Variants in PRKN observed in about 807,000 individuals in gnomAD.
The protein encoded by PRKN is parkin RBR E3 ubiquitin protein ligase.
In PRKN, 56 loss-of-function variants were observed where a neutral mutation model predicts 59.5. That is an observed-to-expected ratio of 0.94 (90% CI 0.76 to 1.18). The LOEUF is 1.18. Among genes scored for constraint, PRKN ranks in the 50% most tolerant of loss-of-function variants. The probability of loss-of-function intolerance (pLI) is 0.00; values close to 1 mark genes in which losing one functional copy is unlikely to be tolerated. For missense variants in PRKN, 657 were observed against 596.4 expected, an observed-to-expected ratio of 1.10 and a Z score of -1.06; for synonymous variants, 250 against 222.1, an observed-to-expected ratio of 1.13 and a Z score of -1.12.
intron 6 of PRKN, among the ~76,000 whole-genome samples, chr6:161,802,994 T>G (rs1175645321): frequency 6.6e-6 from 1 of 152,060 alleles, no homozygotes; most frequent in Non-Finnish European, 1.5e-5. Flanking sequence ...TGATCTCCCC[T>G]TTTATACCTG....
At chr6:161,680,762 TATATATATATA>T (rs1327789038) in intron 7 of PRKN, among the ~76,000 whole-genome samples, 242 of 18,200 alleles carry the variant, frequency 0.013, 13 homozygotes, top group Non-Finnish European at 0.016. Flanking sequence ...TATATATATA[TATATATATATA>T]TATTTTTTTT....
intron 4 of PRKN, among the ~76,000 whole-genome samples, chr6:162,165,040 T>C (rs1417018910): frequency 6.7e-6 from 1 of 148,910 alleles, no homozygotes; most frequent in Non-Finnish European, 1.5e-5. Context: ...ATTTGGAATT[T>C]AGGGCTCAGA....
chr6:161,415,099 G>A (rs1344219481), intron 9 of PRKN, among the ~76,000 whole-genome samples: 1 of 152,128 alleles, frequency 6.6e-6, no homozygotes, highest in Non-Finnish European at 1.5e-5. Flanking sequence ...TGCTCCCAAA[G>A]AGACTTGGGG....
chr6:162,166,831 C>T (rs189649778), intron 4 of PRKN, among the ~76,000 whole-genome samples: 1 of 152,246 alleles, frequency 6.6e-6, no homozygotes, highest in Admixed American at 6.5e-5. Flanking sequence ...AGACATTCTC[C>T]ATAGCTCCTC....
intron 1 of PRKN, among the ~76,000 whole-genome samples, chr6:162,502,899 A>G (rs1583682125): frequency 1.3e-5 from 2 of 152,234 alleles, no homozygotes; most frequent in East Asian, 3.9e-4. Context: ...CCAGAACAAT[A>G]TTCTGTGTTA....
Position 161,388,547 on chromosome 6 carries a change from T to C in PRKN, c.1084-1670A>G, listed in dbSNP as rs1393067105. 2.6e-5 allele frequency among the ~76,000 whole-genome samples: 4 copies of C among 151,760 alleles called. No individual in the cohort carries two copies. Among genetic ancestry groups the C allele is most frequent in the Non-Finnish European group, 5.9e-5 (4 of 67,858 alleles). On this transcript the variant is annotated intron_variant, in intron 9 of 11. Transcript: ENST00000366898. This position sits in a 1 kb window ranked among gnomAD's most constrained non-coding sequence, Gnocchi z 4.3. ...GGATGATGGTGGTGGTCTTAGAGCATAGAGGCAAACTGACAGTATCCTCTT... is the reference window on the plus strand; with the variant it reads ...GGATGATGGTGGTGGTCTTAGAGCACAGAGGCAAACTGACAGTATCCTCTT...
At chr6:161,747,730 A>C (rs909181809) in intron 7 of PRKN, among the ~76,000 whole-genome samples, 2 of 152,164 alleles carry the variant, frequency 1.3e-5, no homozygotes, top group South Asian at 2.1e-4. Context: ...TTGTAATATA[A>C]GGTGTTAGCA....
At position 161,530,347 on chromosome 6, in the gene PRKN, C is replaced by T. The variant is rs778420967; in HGVS notation, c.1083+18507G>A. 9.9e-5 allele frequency among the ~76,000 whole-genome samples: 15 copies of T among 152,270 alleles called. No individual in the cohort carries two copies. The highest frequency in any genetic ancestry group is 3.4e-3 in the Middle Eastern group (1 of 294). On this transcript the variant is annotated intron_variant, in intron 9 of 11. Transcript: ENST00000366898. This position sits in a 1 kb window ranked among gnomAD's most constrained non-coding sequence, Gnocchi z 5.0. ...CAGTGTCTAGGGAAATGCACCTTCT[C>T]CTGTGACATTGCATATCATCTTCCA...
At chr6:162,013,680 C>A (rs981332752) in intron 5 of PRKN, among the ~76,000 whole-genome samples, 2 of 152,158 alleles carry the variant, frequency 1.3e-5, no homozygotes, top group Non-Finnish European at 2.9e-5. Flanking sequence ...TTCTGTGACA[C>A]TGATAAATCT....
chr6:162,624,704 G>T (rs1782814705), intron 1 of PRKN: 1 of 150,328 alleles, frequency 6.7e-6, no homozygotes, highest in Non-Finnish European at 1.5e-5. Context: ...AAACATTTTT[G>T]TTTGTTCGGT....
chr6:162,163,563 A>C (rs1782851345), intron 4 of PRKN, among the ~76,000 whole-genome samples: 1 of 149,470 alleles, frequency 6.7e-6, no homozygotes, highest in Non-Finnish European at 1.5e-5. Context: ...GATGAAAAAG[A>C]AGCACAACAA....
chr6:162,046,863 T>A (rs1784269946), intron 5 of PRKN, among the ~76,000 whole-genome samples: 1 of 151,864 alleles, frequency 6.6e-6, no homozygotes, highest in Admixed American at 6.6e-5. Context: ...TTAAGCTAAT[T>A]CTGTAATAAA....
At chr6:161,737,906 C>T (rs1295369155) in intron 7 of PRKN, among the ~76,000 whole-genome samples, 1 of 152,202 alleles carries the variant, frequency 6.6e-6, no homozygotes, top group African/African-American at 2.4e-5. Context: ...TCACATATTA[C>T]ATCCCGTTTA....
At chr6:161,978,016 GTATTTTATTTTATTGTATTTTATTT>G (rs1367997341) in intron 5 of PRKN, among the ~76,000 whole-genome samples, 4 of 148,484 alleles carry the variant, frequency 2.7e-5, no homozygotes, top group Non-Finnish European at 4.4e-5. Context: ...TTATTTTATT[GTATTTTATTTTATTGTATTTTATTT>G]TATTTTATTT....
chr6:162,106,004 A>G (rs1415002031), intron 4 of PRKN, among the ~76,000 whole-genome samples: 1 of 152,242 alleles, frequency 6.6e-6, no homozygotes, highest in African/African-American at 2.4e-5. Flanking sequence ...TGTCAATGTA[A>G]CTGTATTACT....
chr6:161,366,725 C>G (rs1299394914), intron 10 of PRKN, among the ~76,000 whole-genome samples: 1 of 152,080 alleles, frequency 6.6e-6, no homozygotes, highest in Non-Finnish European at 1.5e-5. Flanking sequence ...GCTGAGTGTT[C>G]AAACTGTGTT....
intron 3 of PRKN, among the ~76,000 whole-genome samples, chr6:162,246,933 G>A (rs1002680982): frequency 6.6e-6 from 1 of 152,032 alleles, no homozygotes; most frequent in Non-Finnish European, 1.5e-5. Context: ...AGACAGCTAG[G>A]TAATTTGTAT....
At chr6:162,092,368 A>G (rs1330355132) in intron 4 of PRKN, among the ~76,000 whole-genome samples, 1 of 149,946 alleles carries the variant, frequency 6.7e-6, no homozygotes, top group Non-Finnish European at 1.5e-5. Context: ...AAAAAATAAA[A>G]AAATGAAAAA....
intron 7 of PRKN, among the ~76,000 whole-genome samples, chr6:161,608,929 A>G (rs192476440): frequency 1.3e-5 from 2 of 152,270 alleles, no homozygotes; most frequent in African/African-American, 4.8e-5. Context: ...TTAGGTTGTC[A>G]TCCAGGTGGC....
Sources: allele counts gnomAD v4.1 joint callset (sites outside exome capture counted in the v4.1 genomes callset), GRCh38; gene constraint gnomAD v4.1.1; non-coding constraint Gnocchi (gnomAD v3.1); transcripts MANE v1.5; gene names NCBI Gene and HGNC (gene_info 2026-07-23, HGNC 2026-07-21).